The following MARCHF5 variants were observed in gnomAD, a reference collection of about 807,000 sequenced individuals.
MARCHF5 encodes the protein E3 ubiquitin-protein ligase MARCHF5.
In MARCHF5, 5 loss-of-function variants were observed where a neutral mutation model predicts 36.5. That is an observed-to-expected ratio of 0.14 (90% CI 0.07 to 0.29). MARCHF5 has a LOEUF of 0.29. Ranked by LOEUF, MARCHF5 falls within the 10% of genes least tolerant of loss-of-function variation. The pLI, the probability that MARCHF5 is intolerant of heterozygous loss-of-function variation, is 1.00. For missense variants in MARCHF5, 179 were observed against 336.3 expected, an observed-to-expected ratio of 0.53 and a Z score of 3.66; for synonymous variants, 103 against 109.9, an observed-to-expected ratio of 0.94 and a Z score of 0.39.
chr10:92,328,822 T>TATATATATATATATATATA (rs1491512830), intron 2 of MARCHF5, among the ~76,000 whole-genome samples: 25 of 52,756 alleles, frequency 4.7e-4, no homozygotes, highest in African/African-American at 1.4e-3. Flanking sequence ...TATATATATA[T>TATATATATATATATATATA]TTTTTTTTTT....
At chr10:92,333,052 C>T (rs1843457230) in intron 2 of MARCHF5, among the ~76,000 whole-genome samples, 1 of 151,378 alleles carries the variant, frequency 6.6e-6, no homozygotes, top group Admixed American at 6.6e-5. Context: ...CCCAGCTACT[C>T]GGGAGGCTGA....
At chr10:92,292,155 T>C (rs932233527) in intron 1 of MARCHF5, among the ~76,000 whole-genome samples, 3 of 151,958 alleles carry the variant, frequency 2.0e-5, no homozygotes, top group Non-Finnish European at 2.9e-5. Context: ...TTTAGTGTAC[T>C]TGACGATCGT....
intron 2 of MARCHF5, among the ~76,000 whole-genome samples, chr10:92,315,570 C>T (rs191777105): frequency 4.6e-5 from 7 of 152,276 alleles, no homozygotes; most frequent in Admixed American, 2.0e-4. Context: ...TATCACAATA[C>T]GGTGGGAACA....
At chr10:92,294,020 C>G (rs147821669) in intron 1 of MARCHF5, among the ~76,000 whole-genome samples, 1 of 152,064 alleles carries the variant, frequency 6.6e-6, no homozygotes, top group South Asian at 2.1e-4. Context: ...GGGAGCATTT[C>G]AGAATATGCA....
At chr10:92,347,827 A>G (rs2135221240) in intron 3 of MARCHF5, among the ~76,000 whole-genome samples, 1 of 152,320 alleles carries the variant, frequency 6.6e-6, no homozygotes, top group African/African-American at 2.4e-5. Flanking sequence ...AGATAAATTA[A>G]CCAAGTGGAA....
In MARCHF5 at chr10:92,291,458, C is replaced by A; in HGVS notation, c.-37C>A. ...TCCCTGGGCCTGGCCTTGAGCGGGT[C>A]CACTGGGGAAGGCCGTGTGCGCCGG... On this transcript the variant is annotated 5_prime_UTR_variant, in exon 1 of 6. Coordinates refer to ENST00000358935, the MANE Select transcript of MARCHF5 (RefSeq NM_017824.5). The A allele has an allele frequency of 3.3e-6, 5 of 1,513,722 alleles. No individual in the cohort carries two copies. Among genetic ancestry groups the A allele is most frequent in the South Asian group, 1.2e-5 (1 of 83,328 alleles). The allele number at this position is 1,513,722 out of a possible 1,614,324, so 93.8% of individuals were successfully genotyped here.
intron 1 of MARCHF5, among the ~76,000 whole-genome samples, chr10:92,292,623 C>G (rs1440237004): frequency 6.6e-6 from 1 of 152,132 alleles, no homozygotes; most frequent in Non-Finnish European, 1.5e-5. Flanking sequence ...GAATTTTGAG[C>G]CATCTCAGTT....
chr10:92,350,157 G>T, intron 5 of MARCHF5: 1 of 241,172 alleles, frequency 4.1e-6, no homozygotes, highest in Non-Finnish European at 7.9e-6. Context: ...CACAGAAATT[G>T]TCTTGCTGTG....
chr10:92,334,613 A>T (rs546129124), intron 2 of MARCHF5: 1 of 152,386 alleles, frequency 6.6e-6, no homozygotes, highest in Admixed American at 6.5e-5. Flanking sequence ...CTGAACATTA[A>T]GTATTACCTA....
chr10:92,336,769 A>G (rs1026490391), intron 2 of MARCHF5, among the ~76,000 whole-genome samples: 1 of 152,128 alleles, frequency 6.6e-6, no homozygotes, highest in Non-Finnish European at 1.5e-5. Context: ...TCCATGTCTA[A>G]AAAGAGAAAG....
intron 2 of MARCHF5, among the ~76,000 whole-genome samples, chr10:92,328,840 G>A (rs1338770123): frequency 3.0e-5 from 4 of 135,026 alleles, no homozygotes; most frequent in African/African-American, 1.1e-4. Context: ...TTTTTTACAG[G>A]AATATCTGAT....
intron 5 of MARCHF5, among the ~76,000 whole-genome samples, chr10:92,350,877 G>A (rs907975602): frequency 6.6e-6 from 1 of 152,074 alleles, no homozygotes; most frequent in Non-Finnish European, 1.5e-5. Context: ...AATGGAGAAG[G>A]CATCTGTGTC....
intron 1 of MARCHF5, among the ~76,000 whole-genome samples, chr10:92,296,245 T>A (rs1842948006): frequency 6.6e-6 from 1 of 152,196 alleles, no homozygotes; most frequent in South Asian, 2.1e-4. Flanking sequence ...AATTTATTAT[T>A]TGAACCTTTT....
At chr10:92,308,016 C>T (rs1271937772) in intron 1 of MARCHF5, among the ~76,000 whole-genome samples, 2 of 151,002 alleles carry the variant, frequency 1.3e-5, no homozygotes, top group Admixed American at 1.3e-4. Context: ...TCTCAGCTTA[C>T]TGCAAGCTCT....
chr10:92,313,785 C>T (rs1179213130), intron 2 of MARCHF5, among the ~76,000 whole-genome samples: 3 of 152,078 alleles, frequency 2.0e-5, no homozygotes, highest in Non-Finnish European at 2.9e-5. Context: ...CCCAGCTACT[C>T]AGGAGGCTGA....
chr10:92,309,193 A>G (rs895265000), intron 1 of MARCHF5, among the ~76,000 whole-genome samples: 1 of 152,220 alleles, frequency 6.6e-6, no homozygotes. Flanking sequence ...GTCACTGAAC[A>G]GTTTTTAACT....
chr10:92,312,675 A>G (rs1336292964), intron 2 of MARCHF5, among the ~76,000 whole-genome samples: 1 of 152,220 alleles, frequency 6.6e-6, no homozygotes, highest in East Asian at 1.9e-4. Flanking sequence ...CCACCTTTGA[A>G]TTATAGAGTT....
chr10:92,300,669 T>A (rs1843001493), intron 1 of MARCHF5, among the ~76,000 whole-genome samples: 1 of 152,136 alleles, frequency 6.6e-6, no homozygotes, highest in Non-Finnish European at 1.5e-5. Flanking sequence ...AGTACCCAAG[T>A]CTTTTGCCCA....
intron 2 of MARCHF5, among the ~76,000 whole-genome samples, chr10:92,338,354 A>G (rs1163318422): frequency 1.3e-5 from 2 of 152,190 alleles, no homozygotes; most frequent in Admixed American, 1.3e-4. Context: ...GCAAATTTGT[A>G]TGTCTTGAGA....
Sources: gnomAD v4.1 joint callset for allele counts (sites outside exome capture counted in the v4.1 genomes callset) on GRCh38, gnomAD v4.1.1 for gene constraint, MANE v1.5 for transcripts, NCBI Gene and HGNC (gene_info 2026-07-23, HGNC 2026-07-21) for gene names.